The following CACNA1E variants were observed in gnomAD, a reference collection of about 807,000 sequenced individuals.
The protein encoded by CACNA1E is calcium voltage-gated channel subunit alpha1 E.
In CACNA1E, 40 loss-of-function variants were observed where a neutral mutation model predicts 259.2. The observed-to-expected ratio is 0.15, with a 90% CI of 0.12 to 0.20. CACNA1E has a LOEUF of 0.20. CACNA1E is among the 10% of genes least tolerant of loss of function. CACNA1E has a pLI of 1.00. For synonymous variants in CACNA1E, 1,104 were observed against 1,138.5 expected, an observed-to-expected ratio of 0.97 and a Z score of 0.61; for missense variants, 1,874 against 3,040.1, an observed-to-expected ratio of 0.62 and a Z score of 9.02.
chr1:181,586,233 G>A (rs1446002175), intron 6 of CACNA1E, among the ~76,000 whole-genome samples: 2 of 152,222 alleles, frequency 1.3e-5, no homozygotes, highest in Non-Finnish European at 2.9e-5. Flanking sequence ...GGTAAAGTAT[G>A]TTGGGAGGAA....
intron 7 of CACNA1E, among the ~76,000 whole-genome samples, chr1:181,673,222 ATG>A (rs55948135): frequency 0.4 from 60,992 of 150,936 alleles, 14,589 homozygotes; most frequent in African/African-American, 0.68. Context: ...GTATATGAGT[ATG>A]TGTGTGTGTG....
rs766235230 is a variant in CACNA1E, at chr1:181,798,541, C to G, written c.6649C>G (p.Gln2217Glu). The G allele has an allele frequency of 6.2e-7, 1 of 1,613,878 alleles. No individual in the cohort carries two copies. Among genetic ancestry groups the G allele is most frequent in the Non-Finnish European group, 8.5e-7 (1 of 1,179,894 alleles). Residue 2217 changes from glutamine to glutamate, a missense_variant, in exon 48 of 48, where the codon CAG (glutamine) becomes GAG (glutamate). Physicochemically the swap from Gln to Glu is conservative, Grantham distance 29. Coordinates refer to ENST00000367573, the MANE Select transcript of CACNA1E (RefSeq NM_001205293.3). The surrounding 1 kb of genome is among the most constrained non-coding windows in gnomAD (Gnocchi z 4.2). ...CGAGTCTTCCAACTCTCCGCACCCC[C>G]AGCAGAGCCAACATGCCTCCCCACA... ...LTESSNSPHP[Q>E]QSQHASPQRY...
chr1:181,376,228 C>A (rs932133836), intron 1 of CACNA1E, among the ~76,000 whole-genome samples: 7 of 152,176 alleles, frequency 4.6e-5, no homozygotes, highest in African/African-American at 1.7e-4. Flanking sequence ...TAGGACAAAC[C>A]TTCCACAAAT....
At chr1:181,724,884 G>A (rs1654755091) in intron 17 of CACNA1E, among the ~76,000 whole-genome samples, 1 of 152,240 alleles carries the variant, frequency 6.6e-6, no homozygotes, top group Non-Finnish European at 1.5e-5. Context: ...GCAACCTGCG[G>A]CTGTGTGACC....
chr1:181,722,128 A>G (rs527311480), intron 16 of CACNA1E, among the ~76,000 whole-genome samples: 1 of 152,342 alleles, frequency 6.6e-6, no homozygotes, highest in South Asian at 2.1e-4. Context: ...GGAGGCTGTT[A>G]CATTGAATGG....
Position 181,580,764 on chromosome 1 carries a change from T to G in CACNA1E, c.939T>G (p.Thr313=). Residue 313 remains threonine (T), a synonymous_variant, in exon 6 of 48, where the codon ACT becomes ACG. Transcript: ENST00000367573. ...GCATCACCATGGAAGGGTGGACCAC[T>G]GTGCTGTACAATGTGAGTAGAGCTG... ...FQCITMEGWT[T]VLYNTNDALG... The G allele has an allele frequency of 6.2e-7, 1 of 1,613,952 alleles. No homozygotes were observed. The highest frequency in any genetic ancestry group is 2.2e-5 in the East Asian group (1 of 44,872).
upstream of CACNA1E, among the ~76,000 whole-genome samples, chr1:181,481,806 C>G (rs566627558): frequency 6.6e-6 from 1 of 152,072 alleles, no homozygotes; most frequent in African/African-American, 2.4e-5. Context: ...ACCTTTCCCA[C>G]CTCTGCAGCT....
At chr1:181,572,124 A>G (rs1650473297) in intron 3 of CACNA1E, among the ~76,000 whole-genome samples, 1 of 151,608 alleles carries the variant, frequency 6.6e-6, no homozygotes, top group Non-Finnish European at 1.5e-5. Flanking sequence ...GGGTATTTTC[A>G]GGCATAGACT....
At position 181,736,263 on chromosome 1, in the gene CACNA1E, T is replaced by C; in HGVS notation, c.3263-12T>C. 6.4e-7 allele frequency: 1 copy of C among 1,574,172 alleles called. No homozygotes were observed. The highest frequency in any genetic ancestry group is 8.6e-7 in the Non-Finnish European group (1 of 1,159,196). ...CATGATTTCTGAAGATTTCAACGTG[T>C]TCCTCTTGCAGTTAGCAACAAGACG... On this transcript the variant is annotated splice_polypyrimidine_tract_variant and intron_variant, in intron 21 of 47. Coordinates refer to ENST00000367573, the MANE Select transcript of CACNA1E (RefSeq NM_001205293.3).
intron 3 of CACNA1E, among the ~76,000 whole-genome samples, chr1:181,511,765 A>G (rs895043389): frequency 1.3e-5 from 2 of 152,206 alleles, no homozygotes; most frequent in Non-Finnish European, 2.9e-5. Context: ...GGAAGCTGCC[A>G]CTTCTGGTTT....
intron 3 of CACNA1E, among the ~76,000 whole-genome samples, chr1:181,518,731 A>G (rs1666775760): frequency 1.3e-5 from 2 of 152,284 alleles, no homozygotes; most frequent in South Asian, 2.1e-4. Context: ...GGTTCACTCA[A>G]CAGATATATA....
intron 1 of CACNA1E, among the ~76,000 whole-genome samples, chr1:181,500,218 T>A (rs1300670887): frequency 6.6e-6 from 1 of 152,212 alleles, no homozygotes; most frequent in Non-Finnish European, 1.5e-5. Context: ...TCACCCCTTA[T>A]GCATATGAAG....
intron 1 of CACNA1E, among the ~76,000 whole-genome samples, chr1:181,492,244 C>T (rs1664380619): frequency 6.6e-6 from 1 of 152,040 alleles, no homozygotes; most frequent in Non-Finnish European, 1.5e-5. Context: ...AATGGTGACC[C>T]CCTAGGTACC....
At chr1:181,610,528 C>T (rs977581906) in intron 6 of CACNA1E, among the ~76,000 whole-genome samples, 3 of 152,162 alleles carry the variant, frequency 2.0e-5, no homozygotes, top group African/African-American at 7.2e-5. Context: ...ATTAATTATT[C>T]CTTGCAATAC....
At chr1:181,754,254 C>T (rs574097888) in intron 27 of CACNA1E, among the ~76,000 whole-genome samples, 8 of 152,354 alleles carry the variant, frequency 5.3e-5, no homozygotes, top group African/African-American at 1.7e-4. Context: ...GCTAGTTCCT[C>T]GCTCTGCAGC....
At chr1:181,672,720 T>C (rs1462693090) in intron 7 of CACNA1E, among the ~76,000 whole-genome samples, 2 of 152,246 alleles carry the variant, frequency 1.3e-5, no homozygotes, top group African/African-American at 4.8e-5. Flanking sequence ...TGCGCTGTGC[T>C]GGTCATGTTC....
At chr1:181,709,785 G>A (rs769012827) in intron 7 of CACNA1E, among the ~76,000 whole-genome samples, 24 of 152,128 alleles carry the variant, frequency 1.6e-4, no homozygotes, top group Non-Finnish European at 2.8e-4. Flanking sequence ...GAGCCACTGT[G>A]CCTGGCCTGC....
chr1:181,328,989 C>G (rs914049230), intron 1 of CACNA1E, among the ~76,000 whole-genome samples: 10 of 152,306 alleles, frequency 6.6e-5, no homozygotes, highest in African/African-American at 2.2e-4. Context: ...TAGTCAATGG[C>G]TTTCTTAATC....
Position 181,732,555 on chromosome 1 carries a change from C to A in CACNA1E, c.2469C>A (p.His823Gln), listed in dbSNP as rs768575175. 13 of 1,545,080 alleles carry A rather than the reference C, an allele frequency of 8.4e-6. No homozygotes were observed. The highest frequency in any genetic ancestry group is 1.1e-5 in the Non-Finnish European group (13 of 1,144,140). ...PLSSLNPLNAHPSLYRRPRAI... is the reference protein window; with the variant it reads ...PLSSLNPLNAQPSLYRRPRAI... Reference sequence around the variant, plus strand: ...GCTCCCTCAACCCGCTCAATGCCCACCCCAGCCTTTATCGGCGACCCAGGG... The same window carrying A: ...GCTCCCTCAACCCGCTCAATGCCCAACCCAGCCTTTATCGGCGACCCAGGG... Residue 823 changes from histidine (H) to glutamine (Q), a missense_variant, in exon 20 of 48, where the codon CAC (histidine) becomes CAA (glutamine). His to Gln is a conservative substitution (Grantham distance 24, BLOSUM62 0). Around this residue, in one of 14 missense-constraint regions of CACNA1E, gnomAD observed 476 missense variants for 514.0 expected, o/e 0.93. Coordinates refer to ENST00000367573, the MANE Select transcript of CACNA1E (RefSeq NM_001205293.3). The surrounding 1 kb of genome is among the most constrained non-coding windows in gnomAD (Gnocchi z 5.5).
Sources: gnomAD v4.1 joint callset for allele counts (sites outside exome capture counted in the v4.1 genomes callset) on GRCh38, gnomAD v4.1.1 for gene constraint, gnomAD v4.1.1 regional missense constraint, Gnocchi (gnomAD v3.1) non-coding constraint, MANE v1.5 for transcripts, NCBI Gene and HGNC (gene_info 2026-07-23, HGNC 2026-07-21) for gene names.